Variants in NEGR1 observed in about 807,000 individuals in gnomAD.
NEGR1 encodes neuronal growth regulator 1.
In NEGR1, 10 loss-of-function variants were observed where a neutral mutation model predicts 40.9. That is an observed-to-expected ratio of 0.24 (90% CI 0.15 to 0.42). NEGR1 has a LOEUF of 0.42. Ranked by LOEUF, NEGR1 falls within the 10% of genes least tolerant of loss-of-function variation. The probability of loss-of-function intolerance (pLI) is 1.00; values close to 1 mark genes in which losing one functional copy is unlikely to be tolerated. For missense variants in NEGR1, 352 were observed against 438.9 expected (o/e 0.80, Z 1.77); for synonymous variants, 185 against 166.8 (o/e 1.11, Z -0.84).
intron 6 of NEGR1, among the ~76,000 whole-genome samples, chr1:71,591,735 A>G (rs977417300): frequency 6.6e-6 from 1 of 152,126 alleles, no homozygotes; most frequent in Non-Finnish European, 1.5e-5. Context: ...CTGGGATAAT[A>G]AAAGATGTAA....
At chr1:72,153,025 T>C (rs530871100) in intron 1 of NEGR1, among the ~76,000 whole-genome samples, 1 of 151,972 alleles carries the variant, frequency 6.6e-6, no homozygotes, top group East Asian at 1.9e-4. Context: ...TTCGGTACTA[T>C]ATTCACTACC....
chr1:71,971,836 T>C (rs1028738652), intron 1 of NEGR1, among the ~76,000 whole-genome samples: 1 of 152,234 alleles, frequency 6.6e-6, no homozygotes, highest in African/African-American at 2.4e-5. Flanking sequence ...ACTTTTATCA[T>C]AATATTTTCA....
intron 1 of NEGR1, among the ~76,000 whole-genome samples, chr1:72,270,013 T>A (rs1655790283): frequency 6.6e-6 from 1 of 151,844 alleles, no homozygotes; most frequent in African/African-American, 2.4e-5. Flanking sequence ...CCAATAAATC[T>A]ATCAATTGTT....
chr1:72,190,221 C>T (rs1282407118), intron 1 of NEGR1, among the ~76,000 whole-genome samples: 1 of 151,504 alleles, frequency 6.6e-6, no homozygotes, highest in African/African-American at 2.4e-5. Flanking sequence ...AAATGCTGCA[C>T]ATATTTTCTG....
At chr1:72,000,238 G>A (rs1401599486) in intron 1 of NEGR1, among the ~76,000 whole-genome samples, 1 of 151,874 alleles carries the variant, frequency 6.6e-6, no homozygotes, top group Non-Finnish European at 1.5e-5. Context: ...GTAGTTATGG[G>A]TATAATTAGA....
At chr1:72,244,592 G>T (rs1654845547) in intron 1 of NEGR1, among the ~76,000 whole-genome samples, 1 of 151,658 alleles carries the variant, frequency 6.6e-6, no homozygotes, top group Non-Finnish European at 1.5e-5. Context: ...CTTATTATTT[G>T]TGGTAGTTAT....
At chr1:71,449,184 A>G (rs959456) in intron 6 of NEGR1, among the ~76,000 whole-genome samples, 147,947 of 152,268 alleles carry the variant, frequency 0.97, 72,031 homozygotes, top group East Asian at 1. Context: ...TATCTAGGTT[A>G]AGAGAGGTAT....
intron 1 of NEGR1, among the ~76,000 whole-genome samples, chr1:72,236,233 G>A (rs1654540003): frequency 6.6e-6 from 1 of 151,978 alleles, no homozygotes; most frequent in Non-Finnish European, 1.5e-5. Flanking sequence ...TTTGAACAAT[G>A]AGAACACATG....
chr1:71,409,337 A>G (rs1185387825), intron 6 of NEGR1, among the ~76,000 whole-genome samples: 1 of 152,088 alleles, frequency 6.6e-6, no homozygotes, highest in Admixed American at 6.6e-5. Context: ...AAACTTGTAT[A>G]ATGGTAAAGG....
chr1:72,092,093 T>C (rs1048817795), intron 1 of NEGR1, among the ~76,000 whole-genome samples: 4 of 152,122 alleles, frequency 2.6e-5, no homozygotes, highest in Non-Finnish European at 4.4e-5. Flanking sequence ...AAGGTAGACA[T>C]TGAATCAGTG....
rs114246483 is a variant in NEGR1, at chr1:72,207,134, G to A, written c.176+75185C>T. On this transcript the variant is annotated intron_variant, in intron 1 of 6. Transcript: ENST00000357731. ...TCTGATATAACAGGCTACAAAGAAA[G>A]ATGTAAGTTTGTGAAAAAAGAAAAG... 4.1e-3 allele frequency among the ~76,000 whole-genome samples: 600 copies of A among 144,910 alleles called. 4 individuals carry two copies. The highest frequency in any genetic ancestry group is 0.014 in the African/African-American group (570 of 39,602).
chr1:71,436,449 A>T (rs950351428), intron 6 of NEGR1, among the ~76,000 whole-genome samples: 3 of 152,212 alleles, frequency 2.0e-5, no homozygotes, highest in African/African-American at 7.2e-5. Flanking sequence ...TGATTATTTA[A>T]GACTGTTTTG....
chr1:71,796,307 A>T lies in NEGR1; in HGVS notation c.410-20010T>A, dbSNP rs558285733. 3.9e-5 allele frequency among the ~76,000 whole-genome samples: 6 copies of T among 152,270 alleles called. No homozygotes were observed. The East Asian group carries it at 1.2e-3, about 29-fold the overall frequency. ...ATTTACATACCTGGGCTGGAAGAGT[A>T]CCAGGTGTGTTTGAGAAAAAGATAC... On this transcript the variant is annotated intron_variant, in intron 2 of 6. Transcript: ENST00000357731.
intron 1 of NEGR1, among the ~76,000 whole-genome samples, chr1:72,067,745 T>C (rs1038557579): frequency 1.3e-5 from 2 of 152,096 alleles, no homozygotes; most frequent in African/African-American, 4.8e-5. Flanking sequence ...AAGTATATCA[T>C]TTATATAAAC....
chr1:71,801,785 G>A (rs1657570834), intron 2 of NEGR1, among the ~76,000 whole-genome samples: 1 of 152,066 alleles, frequency 6.6e-6, no homozygotes, highest in Admixed American at 6.6e-5. Flanking sequence ...CACTCCAATA[G>A]TTTCTTATCT....
At chr1:71,905,454 A>C (rs942408735) in intron 2 of NEGR1, among the ~76,000 whole-genome samples, 1 of 152,022 alleles carries the variant, frequency 6.6e-6, no homozygotes, top group Non-Finnish European at 1.5e-5. Context: ...ATTCACATCA[A>C]GAAAATCATT....
intron 1 of NEGR1, among the ~76,000 whole-genome samples, chr1:71,993,174 T>G (rs2029154): frequency 0.036 from 5,506 of 152,292 alleles, 323 homozygotes; most frequent in African/African-American, 0.13. Flanking sequence ...CAATTGAAGA[T>G]TAATACTTTC....
chr1:72,021,488 A>C (rs1433514283), intron 1 of NEGR1, among the ~76,000 whole-genome samples: 1 of 152,182 alleles, frequency 6.6e-6, no homozygotes, highest in Non-Finnish European at 1.5e-5. Flanking sequence ...AATTAATATT[A>C]GCAAATAGCT....
At chr1:71,729,303 T>G (rs1355037989) in intron 3 of NEGR1, among the ~76,000 whole-genome samples, 1 of 152,182 alleles carries the variant, frequency 6.6e-6, no homozygotes, top group African/African-American at 2.4e-5. Flanking sequence ...AAACATCTTC[T>G]TCCTTGCCCT....
Sources: allele counts gnomAD v4.1 joint callset (sites outside exome capture counted in the v4.1 genomes callset), GRCh38; gene constraint gnomAD v4.1.1; transcripts MANE v1.5; gene names NCBI Gene and HGNC (gene_info 2026-07-23, HGNC 2026-07-21).